Variants in FGF14 observed in about 807,000 individuals in gnomAD.
The protein encoded by FGF14 is fibroblast growth factor homologous factor 4.
FGF14 carries 5 observed loss-of-function variants against 25.5 expected under a neutral mutation model. The observed-to-expected ratio is 0.20, with a 90% CI of 0.10 to 0.41. The LOEUF (loss-of-function observed/expected upper bound fraction) is 0.41, where lower values mean the gene tolerates loss of function less well. Among genes scored for constraint, FGF14 ranks in the 10% least tolerant of loss-of-function variants. The pLI is 1.00. For synonymous variants in FGF14, 138 were observed against 118.3 expected (o/e 1.17, Z -1.08); for missense variants, 222 against 320.1 (o/e 0.69, Z 2.34).
At chr13:101,818,381 T>A (rs1035523184) in intron 3 of FGF14, among the ~76,000 whole-genome samples, 2 of 152,204 alleles carry the variant, frequency 1.3e-5, no homozygotes, top group Non-Finnish European at 2.9e-5. Flanking sequence ...CCAAAACAGG[T>A]CCTCCCTGTG....
chr13:102,367,924 C>T (rs2057762850), intron 1 of FGF14: 1 of 152,208 alleles, frequency 6.6e-6, no homozygotes, highest in Admixed American at 6.5e-5. Flanking sequence ...GAGGACGTGC[C>T]TAAGTTCCGG....
intron 1 of FGF14, among the ~76,000 whole-genome samples, chr13:102,181,587 G>A (rs955048935): frequency 6.6e-5 from 10 of 152,152 alleles, no homozygotes; most frequent in African/African-American, 2.2e-4. Context: ...AGAGATTGAG[G>A]CAATGCAGCT....
intron 1 of FGF14, among the ~76,000 whole-genome samples, chr13:101,964,632 G>A (rs535460216): frequency 5.3e-5 from 8 of 152,248 alleles, no homozygotes; most frequent in African/African-American, 1.9e-4. Flanking sequence ...TCCATGTGCT[G>A]GTGGCCCAAA....
chr13:102,371,368 GT>G (rs1290607659), intron 1 of FGF14, among the ~76,000 whole-genome samples: 10 of 151,930 alleles, frequency 6.6e-5, no homozygotes, highest in African/African-American at 2.2e-4. Flanking sequence ...GGGTTTGAGG[GT>G]TTTTTTATTC....
chr13:101,952,726 T>C (rs555163167), intron 1 of FGF14, among the ~76,000 whole-genome samples: 2 of 152,156 alleles, frequency 1.3e-5, no homozygotes, highest in South Asian at 4.2e-4. Flanking sequence ...TGGATCAACA[T>C]AAAAGTTAAA....
At chr13:102,036,097 G>A (rs1422085148) in intron 1 of FGF14, among the ~76,000 whole-genome samples, 1 of 152,042 alleles carries the variant, frequency 6.6e-6, no homozygotes, top group Non-Finnish European at 1.5e-5. Flanking sequence ...CATTATCCCA[G>A]GTATTTCAGA....
At chr13:102,139,984 G>T (rs1413847918) in intron 1 of FGF14, among the ~76,000 whole-genome samples, 1 of 150,376 alleles carries the variant, frequency 6.6e-6, no homozygotes, top group African/African-American at 2.5e-5. Context: ...ATGTCATTAC[G>T]TACAAGCCTT....
At chr13:102,070,722 C>G (rs973223938) in intron 1 of FGF14, among the ~76,000 whole-genome samples, 1 of 152,094 alleles carries the variant, frequency 6.6e-6, no homozygotes, top group Non-Finnish European at 1.5e-5. Flanking sequence ...TGAACTAAAC[C>G]AGTGAGTTTT....
At chr13:102,326,847 T>TA (rs1431341449) in intron 1 of FGF14, among the ~76,000 whole-genome samples, 1 of 152,066 alleles carries the variant, frequency 6.6e-6, no homozygotes, top group African/African-American at 2.4e-5. Flanking sequence ...AAATTGTGAC[T>TA]AAAAAAGAGG....
intron 1 of FGF14, among the ~76,000 whole-genome samples, chr13:101,903,043 T>A (rs2031769998): frequency 6.6e-6 from 1 of 152,164 alleles, no homozygotes; most frequent in Admixed American, 6.6e-5. Flanking sequence ...CTTGCCAGTT[T>A]TCTGGGGTTT....
chr13:102,305,205 C>G (rs749137058), intron 1 of FGF14, among the ~76,000 whole-genome samples: 3 of 151,930 alleles, frequency 2.0e-5, no homozygotes, highest in Non-Finnish European at 4.4e-5. Flanking sequence ...TTATGAAAAG[C>G]TTTTAGCTGA....
At chr13:101,782,378 G>A (rs2039552087) in intron 3 of FGF14, among the ~76,000 whole-genome samples, 1 of 152,080 alleles carries the variant, frequency 6.6e-6, no homozygotes, top group South Asian at 2.1e-4. Flanking sequence ...CTTTTTTGTG[G>A]TTTTATTTTG....
chr13:102,216,527 T>C (rs1217787770), intron 1 of FGF14, among the ~76,000 whole-genome samples: 1 of 152,214 alleles, frequency 6.6e-6, no homozygotes, highest in Non-Finnish European at 1.5e-5. Flanking sequence ...AACATTGCTT[T>C]TTTTAAGATT....
intron 3 of FGF14, among the ~76,000 whole-genome samples, chr13:101,751,545 C>T (rs192229409): frequency 1.6e-4 from 25 of 152,124 alleles, no homozygotes; most frequent in African/African-American, 6.0e-4. Context: ...ATTAAGTTTC[C>T]AAGAACCACA....
rs151152170 is a variant in FGF14 at position 102,197,881 on chromosome 13, T to G, written c.208+203590A>C. Among the ~76,000 whole-genome samples the G allele has an allele frequency of 1.2e-3, 184 of 152,328 alleles. 2 individuals are homozygous for G. In the East Asian group the frequency reaches 0.024, roughly 19 times the overall value. ...CTCACGGTACACAGTAGCCCACTCC[T>G]GATTTGAGATGGCATTAATCAATGA... On this transcript the variant is annotated intron_variant, in intron 1 of 4. Coordinates refer to the FGF14 transcript ENST00000376131.
At chr13:101,935,880 C>T (rs1274311651) in intron 1 of FGF14, among the ~76,000 whole-genome samples, 2 of 152,140 alleles carry the variant, frequency 1.3e-5, no homozygotes, top group African/African-American at 4.8e-5. Flanking sequence ...TTTGAGAATG[C>T]ATTAAATGCA....
At chr13:101,867,439 A>G (rs751935410) in intron 3 of FGF14, among the ~76,000 whole-genome samples, 47 of 152,220 alleles carry the variant, frequency 3.1e-4, no homozygotes, top group Non-Finnish European at 6.5e-4. Context: ...ACAGAAAGAT[A>G]GAACTAGAAG....
At chr13:102,340,330 A>G (rs1284201165) in intron 1 of FGF14, among the ~76,000 whole-genome samples, 1 of 152,170 alleles carries the variant, frequency 6.6e-6, no homozygotes, top group Non-Finnish European at 1.5e-5. Flanking sequence ...TTTATTTCAG[A>G]GAAACTAAGA....
intron 1 of FGF14, among the ~76,000 whole-genome samples, chr13:102,032,408 AT>A (rs1233877278): frequency 1.3e-5 from 2 of 152,306 alleles, no homozygotes; most frequent in East Asian, 1.9e-4. Flanking sequence ...GCACAAAAAA[AT>A]AAAACACCTT....
Sources: allele counts gnomAD v4.1 joint callset (sites outside exome capture counted in the v4.1 genomes callset), GRCh38; gene constraint gnomAD v4.1.1; transcripts MANE v1.5; gene names NCBI Gene and HGNC (gene_info 2026-07-23, HGNC 2026-07-21).